DYNC1I1: variants seen among roughly 807,000 people sequenced by gnomAD.
The protein encoded by DYNC1I1 is cytoplasmic dynein 1 intermediate chain 1.
In DYNC1I1, 43 loss-of-function variants were observed where a neutral mutation model predicts 86.6. The observed-to-expected ratio is 0.50, with a 90% CI of 0.39 to 0.64. The LOEUF (loss-of-function observed/expected upper bound fraction) is 0.64. DYNC1I1 is among the 30% of genes least tolerant of loss of function. The pLI is 0.00. For synonymous variants in DYNC1I1, 262 were observed against 283.7 expected, an observed-to-expected ratio of 0.92 and a Z score of 0.77; for missense variants, 604 against 788.8, an observed-to-expected ratio of 0.77 and a Z score of 2.81.
intron 5 of DYNC1I1, among the ~76,000 whole-genome samples, chr7:95,830,304 G>C (rs1425674837): frequency 6.6e-6 from 1 of 152,034 alleles, no homozygotes; most frequent in Non-Finnish European, 1.5e-5. Flanking sequence ...CCACAATCAA[G>C]ATAGTGAACA....
chr7:95,886,806 A>T (rs1015923360), intron 6 of DYNC1I1, among the ~76,000 whole-genome samples: 1 of 152,242 alleles, frequency 6.6e-6, no homozygotes, highest in African/African-American at 2.4e-5. Context: ...ATATGAAAGG[A>T]GCAGCAGTGA....
intron 2 of DYNC1I1, 152 bp from the exon 3 acceptor site, chr7:95,810,240 A>G (rs922691911): frequency 4.3e-6 from 2 of 468,686 alleles, no homozygotes; most frequent in Non-Finnish European, 7.3e-6. Flanking sequence ...TGGGGCAATT[A>G]TGGTGTTTAT....
chr7:95,868,262 T>C (rs1790068142), intron 5 of DYNC1I1, among the ~76,000 whole-genome samples: 1 of 152,210 alleles, frequency 6.6e-6, no homozygotes, highest in South Asian at 2.1e-4. Flanking sequence ...CGTTTGTTTG[T>C]TTATTTGCTT....
chr7:95,916,730 T>G (rs540933601), intron 6 of DYNC1I1, among the ~76,000 whole-genome samples: 3 of 152,264 alleles, frequency 2.0e-5, no homozygotes, highest in South Asian at 4.1e-4. Flanking sequence ...CGCTTTGTCC[T>G]GTCTTGGATT....
chr7:95,793,140 A>G (rs1004136835), intron 1 of DYNC1I1, among the ~76,000 whole-genome samples: 8 of 152,112 alleles, frequency 5.3e-5, no homozygotes, highest in African/African-American at 1.7e-4. Context: ...TTAGCAGAGG[A>G]AGATGAGTTA....
At chr7:96,085,636 T>C (rs2116291841) in intron 16 of DYNC1I1, among the ~76,000 whole-genome samples, 1 of 152,340 alleles carries the variant, frequency 6.6e-6, no homozygotes, top group East Asian at 1.9e-4. Context: ...CGAATCTGAA[T>C]CTGACAAAAG....
chr7:95,865,100 A>T (rs1188089460), intron 5 of DYNC1I1, among the ~76,000 whole-genome samples: 1 of 152,092 alleles, frequency 6.6e-6, no homozygotes, highest in Non-Finnish European at 1.5e-5. Context: ...CCCAAGTGGC[A>T]CTGCTGCTGG....
At chr7:95,842,346 A>G (rs1010473865) in intron 5 of DYNC1I1, among the ~76,000 whole-genome samples, 7 of 152,172 alleles carry the variant, frequency 4.6e-5, no homozygotes, top group African/African-American at 1.2e-4. Flanking sequence ...ACAATTTTAC[A>G]TAAGTTAAGT....
intron 14 of DYNC1I1, among the ~76,000 whole-genome samples, chr7:96,040,094 T>A (rs2116041590): frequency 6.6e-6 from 1 of 151,844 alleles, no homozygotes; most frequent in African/African-American, 2.4e-5. Flanking sequence ...ATTAGCTACA[T>A]ATGGTGGTAC....
intron 15 of DYNC1I1, among the ~76,000 whole-genome samples, chr7:96,077,349 A>C (rs1336385772): frequency 6.6e-6 from 1 of 151,970 alleles, no homozygotes; most frequent in East Asian, 1.9e-4. Context: ...ATACACCTAT[A>C]ATTGCTGCCA....
intron 6 of DYNC1I1, among the ~76,000 whole-genome samples, chr7:95,961,640 TCAAA>T (rs1792872263): frequency 6.6e-6 from 1 of 152,176 alleles, no homozygotes; most frequent in African/African-American, 2.4e-5. Flanking sequence ...CCTTGAAGGT[TCAAA>T]CAGTGGCCAG....
intron 5 of DYNC1I1, among the ~76,000 whole-genome samples, chr7:95,852,705 C>T (rs1562922559): frequency 6.6e-6 from 1 of 152,046 alleles, no homozygotes; most frequent in Admixed American, 6.6e-5. Context: ...TGGGGTTTCA[C>T]CATTTTGGCC....
intron 15 of DYNC1I1, among the ~76,000 whole-genome samples, chr7:96,078,764 A>G (rs1562996834): frequency 6.6e-6 from 1 of 152,194 alleles, no homozygotes; most frequent in African/African-American, 2.4e-5. Context: ...AGAATTAAGC[A>G]AGAATCCTGT....
At chr7:95,792,487 C>A (rs1306437394) in intron 1 of DYNC1I1, among the ~76,000 whole-genome samples, 3 of 152,092 alleles carry the variant, frequency 2.0e-5, no homozygotes, top group African/African-American at 7.2e-5. Flanking sequence ...ATGAAGAGGC[C>A]AGGCTATGCT....
chr7:95,991,054 T>TAAA (rs773839975), intron 9 of DYNC1I1, among the ~76,000 whole-genome samples: 1 of 149,264 alleles, frequency 6.7e-6, no homozygotes, highest in African/African-American at 2.5e-5. Flanking sequence ...TAAAATAAAA[T>TAAA]AAAATAAAAA....
chr7:96,002,078 CA>C (rs1794025652), intron 10 of DYNC1I1, among the ~76,000 whole-genome samples: 1 of 152,110 alleles, frequency 6.6e-6, no homozygotes, highest in Non-Finnish European at 1.5e-5. Flanking sequence ...ATTCATTCAA[CA>C]ATTATTTTGG....
chr7:95,927,671 G>A (rs766124278), intron 6 of DYNC1I1, among the ~76,000 whole-genome samples: 5 of 152,102 alleles, frequency 3.3e-5, no homozygotes, highest in Non-Finnish European at 7.4e-5. Context: ...CAATAGTTGA[G>A]TGTGGGGGTA....
intron 10 of DYNC1I1, among the ~76,000 whole-genome samples, chr7:96,025,657 G>T (rs909660417): frequency 3.3e-5 from 5 of 152,100 alleles, no homozygotes; most frequent in Non-Finnish European, 7.4e-5. Context: ...TTTGTTGGTG[G>T]TAAGTGTTGG....
At chr7:95,995,866 T>C (rs1188201235) in intron 9 of DYNC1I1, 82 bp from the exon 10 acceptor site, 1 of 1,524,454 alleles carries the variant, frequency 6.6e-7, no homozygotes, top group Non-Finnish European at 8.8e-7. Flanking sequence ...CTGTGTAGTA[T>C]ACCACGTGTA....
Sources: allele counts gnomAD v4.1 joint callset (sites outside exome capture counted in the v4.1 genomes callset), GRCh38; gene constraint gnomAD v4.1.1; transcripts MANE v1.5; gene names NCBI Gene and HGNC (gene_info 2026-07-23, HGNC 2026-07-21).